CRK: variants seen among roughly 807,000 people sequenced by gnomAD.
The protein encoded by CRK is CRK proto-oncogene, adaptor protein.
A neutral mutation model predicts 29.8 loss-of-function variants in CRK; 4 were observed. The observed-to-expected ratio is 0.13, with a 90% confidence interval of 0.07 to 0.31. CRK has a LOEUF of 0.31. CRK is among the 10% of genes least tolerant of loss of function. The pLI, the probability that CRK is intolerant of heterozygous loss-of-function variation, is 1.00. For missense variants in CRK, 274 were observed against 396.5 expected, an observed-to-expected ratio of 0.69 and a Z score of 2.62; for synonymous variants, 153 against 164.9, an observed-to-expected ratio of 0.93 and a Z score of 0.55.
intron 2 of CRK, among the ~76,000 whole-genome samples, chr17:1,430,637 T>C (rs1197757295): frequency 6.7e-6 from 1 of 149,166 alleles, no homozygotes; most frequent in African/African-American, 2.5e-5. Context: ...AGTGCTGGGA[T>C]TACAGGCGTG....
At chr17:1,434,746 G>T (rs2073874347) in intron 2 of CRK, among the ~76,000 whole-genome samples, 2 of 138,188 alleles carry the variant, frequency 1.4e-5, no homozygotes, top group Admixed American at 1.6e-4. Context: ...TCGTGCCATT[G>T]CACCCCAGCC....
At chr17:1,434,268 C>T (rs558058838) in intron 2 of CRK, among the ~76,000 whole-genome samples, 33 of 152,192 alleles carry the variant, frequency 2.2e-4, no homozygotes, top group African/African-American at 7.7e-4. Flanking sequence ...CTGAAACTGG[C>T]ATGGGTAGTA....
intron 1 of CRK, among the ~76,000 whole-genome samples, chr17:1,453,789 C>T (rs2074036234): frequency 6.6e-6 from 1 of 152,144 alleles, no homozygotes; most frequent in Non-Finnish European, 1.5e-5. Flanking sequence ...TGCCTGTAAT[C>T]CCAGCTACTA....
At chr17:1,452,754 C>T (rs910066009) in intron 1 of CRK, among the ~76,000 whole-genome samples, 1 of 150,944 alleles carries the variant, frequency 6.6e-6, no homozygotes. Context: ...CGCGCCATTG[C>T]GCTCCAGCGT....
chr17:1,427,516 C>T (rs2073792686), intron 2 of CRK, among the ~76,000 whole-genome samples: 1 of 151,864 alleles, frequency 6.6e-6, no homozygotes, highest in Non-Finnish European at 1.5e-5. Context: ...TGGTGTGAAC[C>T]CAGGAGGCGG....
intron 1 of CRK, among the ~76,000 whole-genome samples, chr17:1,447,165 C>T (rs959434226): frequency 3.3e-5 from 5 of 150,622 alleles, no homozygotes; most frequent in African/African-American, 1.2e-4. Context: ...TTCTCTCTTT[C>T]CTCTCCTTCC....
At chr17:1,442,606 C>CTTTTT (rs33970272) in intron 1 of CRK, among the ~76,000 whole-genome samples, 18 of 121,118 alleles carry the variant, frequency 1.5e-4, no homozygotes, top group African/African-American at 2.5e-4. Flanking sequence ...GTGAAAGGGT[C>CTTTTT]TTTTTTTTTT....
At chr17:1,425,809 A>C (rs1391168605) in intron 2 of CRK, among the ~76,000 whole-genome samples, 1 of 152,194 alleles carries the variant, frequency 6.6e-6, no homozygotes, top group Non-Finnish European at 1.5e-5. Context: ...AGAGGCCTGA[A>C]GTCACTGTAT....
intron 1 of CRK, among the ~76,000 whole-genome samples, chr17:1,441,325 A>G (rs574627374): frequency 4.6e-5 from 7 of 152,048 alleles, no homozygotes; most frequent in South Asian, 2.1e-4. Context: ...TCCTGAGTAC[A>G]TGATTTTGTT....
chr17:1,423,609 A>C lies in CRK; in HGVS notation c.819T>G (p.Gly273=). The change falls in exon 3 of 3, where the codon GGT becomes GGG. Residue 273 remains glycine (G), a synonymous_variant. Transcript: ENST00000300574. The part of the protein sequence containing the change: ...LVKVTKINVS[G]QWEGECNGKR... ...TGCCATTACACTCCCCTTCCCACTG[A>C]CCACTCACATTAATCTTCGTAACCT... is the stretch of plus-strand genomic sequence containing the variant. 1 of 1,614,170 alleles carries C rather than the reference A, an allele frequency of 6.2e-7. No individual in the cohort carries two copies. Among genetic ancestry groups the C allele is most frequent in the Non-Finnish European group, 8.5e-7 (1 of 1,180,026 alleles).
At chr17:1,455,802 G>A (rs1008163770) in intron 1 of CRK, 75 bp downstream of exon 1, 2 of 1,407,790 alleles carry the variant, frequency 1.4e-6, no homozygotes. Context: ...GTCCGCTCTC[G>A]AGGACCAGCC....
chr17:1,438,025 T>C (rs1285084629), intron 1 of CRK, among the ~76,000 whole-genome samples: 1 of 152,082 alleles, frequency 6.6e-6, no homozygotes, highest in African/African-American at 2.4e-5. Flanking sequence ...GGGTCCCTGC[T>C]GCTGTTCAGA....
At chr17:1,448,081 G>A (rs7222181) in intron 1 of CRK, among the ~76,000 whole-genome samples, 3 of 152,070 alleles carry the variant, frequency 2.0e-5, no homozygotes, top group African/African-American at 7.2e-5. Context: ...GGCGGAACTT[G>A]CAGTGAGCAG....
chr17:1,439,238 G>A (rs890814058), intron 1 of CRK, among the ~76,000 whole-genome samples: 1 of 152,146 alleles, frequency 6.6e-6, no homozygotes, highest in East Asian at 1.9e-4. Context: ...TGGGACTACA[G>A]GCACCCGCCA....
intron 2 of CRK, among the ~76,000 whole-genome samples, chr17:1,427,462 G>C: frequency 6.6e-6 from 1 of 150,550 alleles, no homozygotes; most frequent in East Asian, 2.0e-4. Context: ...GCGTGCTGGC[G>C]GGCGCCTGTA....
chr17:1,431,430 G>A (rs1406546387), intron 2 of CRK, among the ~76,000 whole-genome samples: 1 of 152,130 alleles, frequency 6.6e-6, no homozygotes, highest in Non-Finnish European at 1.5e-5. Flanking sequence ...CAGGGAAGGT[G>A]AGGGGTATCA....
At position 1,429,329 on chromosome 17, in the gene CRK, C is replaced by G. The variant is rs1435328061; in HGVS notation, c.778-5679G>C. On this transcript the variant is annotated intron_variant, in intron 2 of 2. Coordinates refer to ENST00000300574, the MANE Select transcript of CRK (RefSeq NM_016823.4). ...ACACTGTATTGATCTCTCACCCAGG[C>G]TGGAGTGCAGTGGCACAATCTTGTC... Among the ~76,000 whole-genome samples, 4 of 152,020 alleles carry G rather than the reference C, an allele frequency of 2.6e-5. No homozygotes were observed. In the South Asian group the frequency reaches 8.3e-4, roughly 32 times the overall value.
rs2073728822 is a variant in CRK at position 1,421,885 on chromosome 17, G to C, written c.*1628C>G. ...GTCATACCACACCAGAGACCGGTAA[G>C]TGCCTTTATAGACTGAGAACTAACG... On this transcript the variant is annotated 3_prime_UTR_variant, in exon 3 of 3. Coordinates refer to ENST00000300574, the MANE Select transcript of CRK (RefSeq NM_016823.4). The C allele has an allele frequency of 6.6e-6, 1 of 152,190 alleles. No individual in the cohort carries two copies. The highest frequency in any genetic ancestry group is 2.4e-5 in the African/African-American group (1 of 41,456). The allele number at this position is 152,190 out of a possible 1,614,324, so 9.4% of individuals were successfully genotyped here.
chr17:1,446,716 C>T (rs1316613436), intron 1 of CRK, among the ~76,000 whole-genome samples: 2 of 151,776 alleles, frequency 1.3e-5, no homozygotes, highest in African/African-American at 4.8e-5. Flanking sequence ...CTCAGCCTCC[C>T]GAGCAGCTGG....
Sources: gnomAD v4.1 joint callset for allele counts (sites outside exome capture counted in the v4.1 genomes callset) on GRCh38, gnomAD v4.1.1 for gene constraint, MANE v1.5 for transcripts, NCBI Gene and HGNC (gene_info 2026-07-23, HGNC 2026-07-21) for gene names.